The following FARS2 variants were observed in gnomAD, a reference collection of about 807,000 sequenced individuals.
FARS2 encodes the protein phenylalanine--tRNA ligase, mitochondrial.
A neutral mutation model predicts 46.4 loss-of-function variants in FARS2; 40 were observed. That is an observed-to-expected ratio of 0.86 (90% CI 0.67 to 1.12). The LOEUF is 1.12. FARS2 is among the 50% of genes most tolerant of loss of function. The pLI is 0.00. For synonymous variants in FARS2, 234 were observed against 214.9 expected, an observed-to-expected ratio of 1.09 and a Z score of -0.78; for missense variants, 513 against 567.9, an observed-to-expected ratio of 0.90 and a Z score of 0.98.
At position 5,438,257 on chromosome 6, in the gene FARS2, C is replaced by CCCA. The variant is rs1269588587; in HGVS notation, c.904+7085_904+7086insCCA. 1.5e-3 allele frequency among the ~76,000 whole-genome samples: 117 copies of CCCA among 78,666 alleles called. 1 individual carries two copies. The highest frequency in any genetic ancestry group is 5.6e-3 in the African/African-American group (111 of 19,980). The allele number at this position is 78,666 out of a possible 152,430, so 51.6% of individuals were successfully genotyped here. The stretch of plus-strand genomic sequence containing the variant: ...TCTACCCACCCCCCGCCCCCCCCCC[C>CCCA]ATTTTTGTTTTTCAGCCATGTGATT... On this transcript the variant is annotated intron_variant, in intron 4 of 6. Coordinates refer to ENST00000274680, the MANE Select transcript of FARS2 (RefSeq NM_006567.5).
intron 1 of FARS2, among the ~76,000 whole-genome samples, chr6:5,303,710 A>G (rs1054226816): frequency 3.3e-5 from 5 of 151,948 alleles, no homozygotes; most frequent in African/African-American, 4.8e-5. Flanking sequence ...ATTGCTCCCA[A>G]TGTGAAAATC....
intron 4 of FARS2, among the ~76,000 whole-genome samples, chr6:5,493,623 A>G (rs1173373829): frequency 6.6e-6 from 1 of 152,182 alleles, no homozygotes; most frequent in Non-Finnish European, 1.5e-5. Flanking sequence ...GCGACATTGG[A>G]CAGGTGACTT....
chr6:5,519,609 C>T (rs913568454), intron 4 of FARS2, among the ~76,000 whole-genome samples: 3 of 152,042 alleles, frequency 2.0e-5, no homozygotes, highest in Non-Finnish European at 2.9e-5. Context: ...ACAAGGCCAA[C>T]GAAGAAGATG....
chr6:5,398,499 A>T (rs1363105073), intron 2 of FARS2, among the ~76,000 whole-genome samples: 1 of 150,776 alleles, frequency 6.6e-6, no homozygotes, highest in Non-Finnish European at 1.5e-5. Context: ...TCCCCATGAG[A>T]TATCCCAGAT....
At chr6:5,562,730 T>TCACACAC in intron 5 of FARS2, among the ~76,000 whole-genome samples, 1 of 103,942 alleles carries the variant, frequency 9.6e-6, no homozygotes, top group African/African-American at 4.0e-5. Flanking sequence ...ACACACACAG[T>TCACACAC]GTTTTTCATT....
chr6:5,691,465 G>A (rs1757711192), intron 6 of FARS2, among the ~76,000 whole-genome samples: 1 of 152,220 alleles, frequency 6.6e-6, no homozygotes, highest in Non-Finnish European at 1.5e-5. Context: ...TCCAGACCGT[G>A]TTTGCCTGGG....
chr6:5,612,915 G>A (rs1351644480), intron 5 of FARS2, among the ~76,000 whole-genome samples: 2 of 152,076 alleles, frequency 1.3e-5, no homozygotes, highest in African/African-American at 2.4e-5. Flanking sequence ...TAAGTTGAAC[G>A]TTAATGGCAA....
At chr6:5,513,249 C>A (rs1768566604) in intron 4 of FARS2, among the ~76,000 whole-genome samples, 2 of 152,130 alleles carry the variant, frequency 1.3e-5, no homozygotes, top group South Asian at 2.1e-4. Flanking sequence ...ACCTTGTGAA[C>A]AGCGAGGTTA....
chr6:5,550,679 T>G (rs146627785), intron 5 of FARS2, among the ~76,000 whole-genome samples: 81 of 152,338 alleles, frequency 5.3e-4, no homozygotes, highest in African/African-American at 1.9e-3. Flanking sequence ...CTTCTCTTTT[T>G]GTTCTTTTGT....
rs60108352 is a variant in FARS2, at chr6:5,507,316, C to G, written c.905-37864C>G. On this transcript the variant is annotated intron_variant, in intron 4 of 6. Transcript: ENST00000274680. ...GGCACACGAGTTAAAATGTTACATG[C>G]ACAACCCATTTGGGGTTTGAGGTAT... Among the ~76,000 whole-genome samples, 617 of 152,240 alleles carry G rather than the reference C, an allele frequency of 4.1e-3. 8 individuals carry two copies. Among genetic ancestry groups the G allele is most frequent in the African/African-American group, 0.014 (599 of 41,530 alleles).
At chr6:5,505,628 C>T (rs894929632) in intron 4 of FARS2, among the ~76,000 whole-genome samples, 14 of 152,186 alleles carry the variant, frequency 9.2e-5, no homozygotes, top group African/African-American at 3.1e-4. Context: ...CAGCTGATCC[C>T]TCCGTTTGGG....
intron 4 of FARS2, among the ~76,000 whole-genome samples, chr6:5,535,032 A>G (rs1040223049): frequency 3.3e-5 from 5 of 152,160 alleles, no homozygotes; most frequent in Non-Finnish European, 7.4e-5. Flanking sequence ...AACACTTTTT[A>G]TGATTATTTT....
chr6:5,554,704 C>T (rs1057337600), intron 5 of FARS2, among the ~76,000 whole-genome samples: 5 of 152,142 alleles, frequency 3.3e-5, no homozygotes, highest in South Asian at 2.1e-4. Context: ...GTGGATGAGG[C>T]GAGTACTATA....
At chr6:5,617,483 C>T (rs541050190) in intron 6 of FARS2, among the ~76,000 whole-genome samples, 1 of 152,360 alleles carries the variant, frequency 6.6e-6, no homozygotes, top group South Asian at 2.1e-4. Context: ...TCCCCCTGCC[C>T]CCGTCCTTCT....
In FARS2 at chr6:5,529,304, A is replaced by C. The variant is rs191132455; in HGVS notation, c.905-15876A>C. On this transcript the variant is annotated intron_variant, in intron 4 of 6. Coordinates refer to ENST00000274680, the MANE Select transcript of FARS2 (RefSeq NM_006567.5). ...CACATTTTTTGTACAAAAACAAGTC[A>C]CAGTAACTTTTTTTTCTTTTTTGAG... 7.9e-4 allele frequency among the ~76,000 whole-genome samples: 121 copies of C among 152,212 alleles called. 1 individual carries two copies. Among genetic ancestry groups the C allele is most frequent in the African/African-American group, 2.7e-3 (113 of 41,548 alleles).
intron 2 of FARS2, among the ~76,000 whole-genome samples, chr6:5,382,200 A>T (rs981995553): frequency 2.0e-5 from 3 of 152,258 alleles, no homozygotes; most frequent in African/African-American, 7.2e-5. Flanking sequence ...ATTTCTCACC[A>T]TAAAGATTTT....
intron 4 of FARS2, among the ~76,000 whole-genome samples, chr6:5,455,685 G>A (rs916675584): frequency 6.6e-6 from 1 of 152,026 alleles, no homozygotes; most frequent in African/African-American, 2.4e-5. Context: ...CATTGAAAAT[G>A]CAAAAAACAG....
At chr6:5,333,016 T>C (rs538929021) in intron 1 of FARS2, among the ~76,000 whole-genome samples, 1 of 152,366 alleles carries the variant, frequency 6.6e-6, no homozygotes, top group South Asian at 2.1e-4. Flanking sequence ...ATATGATCTT[T>C]TGAATTTAAT....
chr6:5,673,668 A>C (rs1778600559), intron 6 of FARS2, among the ~76,000 whole-genome samples: 1 of 152,170 alleles, frequency 6.6e-6, no homozygotes. Flanking sequence ...CTTTGCTGCC[A>C]TGTCGATGAT....
Sources: gnomAD v4.1 joint callset for allele counts (sites outside exome capture counted in the v4.1 genomes callset) on GRCh38, gnomAD v4.1.1 for gene constraint, MANE v1.5 for transcripts, NCBI Gene and HGNC (gene_info 2026-07-23, HGNC 2026-07-21) for gene names.